POLA1: variants seen among roughly 807,000 people sequenced by gnomAD.
POLA1 encodes the protein DNA polymerase alpha 1, catalytic subunit, also known as DNA polymerase alpha catalytic subunit.
A neutral mutation model predicts 124.0 loss-of-function variants in POLA1; 15 were observed. The observed-to-expected ratio is 0.12, with a 90% CI of 0.08 to 0.19. The LOEUF (loss-of-function observed/expected upper bound fraction) is 0.19. POLA1 is among the 10% of genes least tolerant of loss of function. The probability of loss-of-function intolerance (pLI) is 1.00; values close to 1 mark genes in which losing one functional copy is unlikely to be tolerated. For synonymous variants in POLA1, 408 were observed against 389.4 expected (o/e 1.05, Z -0.56); for missense variants, 886 against 1,103.4 (o/e 0.80, Z 2.79).
intron 36 of POLA1, among the ~76,000 whole-genome samples, chrX:24,974,459 A>G (rs2048341613): frequency 8.9e-6 from 1 of 111,942 alleles, no homozygotes; most frequent in Non-Finnish European, 1.9e-5. Context: ...ACACCATGGA[A>G]TACCATGCAG....
chrX:24,891,696 T>A (rs2047144489), intron 35 of POLA1, among the ~76,000 whole-genome samples: 1 of 112,025 alleles, frequency 8.9e-6, no homozygotes, highest in Non-Finnish European at 1.9e-5. Flanking sequence ...ATTAAACAAC[T>A]GCAACTACAT....
At chrX:24,801,924 G>GGTGTGTGGGT (rs2045714528) in intron 26 of POLA1, among the ~76,000 whole-genome samples, 1 of 74,536 alleles carries the variant, frequency 1.3e-5, no homozygotes, top group Admixed American at 1.7e-4. Context: ...GAGGTGGGTG[G>GGTGTGTGGGT]GTGTGTGTGT....
intron 26 of POLA1, among the ~76,000 whole-genome samples, chrX:24,771,729 AT>A (rs1380821755): frequency 9.0e-6 from 1 of 111,470 alleles, no homozygotes; most frequent in Non-Finnish European, 1.9e-5. Flanking sequence ...TACTGTTGGT[AT>A]TTTTTTTCTT....
rs1338507216 is a variant in POLA1, at chrX:24,826,431, G to A, written c.3566G>A (p.Gly1189Glu). The change falls in exon 32 of 37, where the codon GGA becomes GAA. Residue 1189 changes from glycine (G) to glutamate (E), a missense_variant. This residue lies in a region of POLA1 where 313 missense variants were observed against 359.7 expected (regional missense o/e 0.87). Transcript: ENST00000379068. ...DTVSYVICQD[G>E]SNLTASQRAY... ...TTTTATCATATCTTCTTTTAGGATGGATCAAACCTCACTGCAAGTCAGAGG... is the reference window on the plus strand; with the variant it reads ...TTTTATCATATCTTCTTTTAGGATGAATCAAACCTCACTGCAAGTCAGAGG... 3.3e-6 allele frequency: 4 copies of A among 1,194,390 alleles called. No homozygotes were observed. The South Asian group carries it at 7.4e-5, about 22-fold the overall frequency.
intron 4 of POLA1, among the ~76,000 whole-genome samples, chrX:24,711,475 G>A (rs1929427241): frequency 8.9e-6 from 1 of 112,477 alleles, no homozygotes; most frequent in African/African-American, 3.2e-5. Flanking sequence ...TTCCTTGGAA[G>A]GACATTTAGA....
intron 26 of POLA1, among the ~76,000 whole-genome samples, chrX:24,752,852 C>T (rs1226564421): frequency 2.7e-5 from 3 of 111,231 alleles, no homozygotes; most frequent in African/African-American, 9.8e-5. Context: ...ATTCTTCTAT[C>T]GAGTAGCTAA....
intron 18 of POLA1, among the ~76,000 whole-genome samples, chrX:24,737,257 A>T (rs1931336230): frequency 8.9e-6 from 1 of 112,007 alleles, no homozygotes; most frequent in Admixed American, 9.4e-5. Flanking sequence ...AAGGAAGCAA[A>T]ATGGAATTAT....
chrX:24,836,130 C>T (rs757659303), intron 32 of POLA1, among the ~76,000 whole-genome samples: 1 of 111,886 alleles, frequency 8.9e-6, no homozygotes, highest in Admixed American at 9.5e-5. Context: ...ACACAAATTG[C>T]GTCTTTGTTC....
chrX:24,701,434 C>CTT (rs1331309084), intron 2 of POLA1, among the ~76,000 whole-genome samples: 22 of 93,194 alleles, frequency 2.4e-4, no homozygotes, highest in African/African-American at 6.2e-4. Flanking sequence ...AGGTAGAACT[C>CTT]TTTTTTTTTT....
At chrX:24,841,562 G>A (rs1471077725) in intron 32 of POLA1, 90 bp from the exon 33 acceptor site, 1 of 505,199 alleles carries the variant, frequency 2.0e-6, no homozygotes, top group Admixed American at 4.6e-5. Context: ...GTATGTGCAT[G>A]AATTTAAAAT....
At chrX:24,967,080 T>C (rs1365270652) in intron 36 of POLA1, among the ~76,000 whole-genome samples, 1 of 111,586 alleles carries the variant, frequency 9.0e-6, no homozygotes, top group Non-Finnish European at 1.9e-5. Flanking sequence ...GGTTGACCTT[T>C]TTTGTTTTTG....
chrX:24,934,730 A>G (rs765030206), intron 36 of POLA1, among the ~76,000 whole-genome samples: 1 of 111,227 alleles, frequency 9.0e-6, no homozygotes, highest in African/African-American at 3.3e-5. Context: ...TCTCTCCCCA[A>G]CTTTTTTTTT....
At chrX:24,784,242 G>A (rs1220126963) in intron 26 of POLA1, among the ~76,000 whole-genome samples, 1 of 106,545 alleles carries the variant, frequency 9.4e-6, no homozygotes, top group Non-Finnish European at 1.9e-5. Context: ...TAGTAGAAAC[G>A]GGATTTCACC....
At chrX:24,976,926 G>A (rs780230112) in intron 36 of POLA1, among the ~76,000 whole-genome samples, 5 of 112,231 alleles carry the variant, frequency 4.5e-5, no homozygotes, top group Non-Finnish European at 7.5e-5. Context: ...GGCAGTTAGA[G>A]CATGATTCCG....
chrX:24,723,096 C>T (rs1602281500), intron 10 of POLA1, 59 bp from the exon 11 acceptor site: 1 of 818,867 alleles, frequency 1.2e-6, no homozygotes, highest in Admixed American at 2.2e-5. Flanking sequence ...CTATATTGTT[C>T]CTTTAATTAG....
At chrX:24,929,767 T>C (rs1159051136) in intron 35 of POLA1, among the ~76,000 whole-genome samples, 1 of 112,102 alleles carries the variant, frequency 8.9e-6, no homozygotes, top group East Asian at 2.8e-4. Context: ...CTCAGGAATG[T>C]TTAGTATATG....
intron 20 of POLA1, among the ~76,000 whole-genome samples, chrX:24,741,148 C>T (rs5943988): frequency 0.036 from 1,220 of 33,918 alleles, 8 homozygotes; most frequent in Admixed American, 0.1. Flanking sequence ...TGTGTGTGTG[C>T]GCGCGTGTGT....
At chrX:24,829,405 G>C (rs1213589632) in intron 32 of POLA1, among the ~76,000 whole-genome samples, 1 of 111,227 alleles carries the variant, frequency 9.0e-6, no homozygotes, top group Non-Finnish European at 1.9e-5. Flanking sequence ...TCTCCTGCTT[G>C]TCCTCTTCTC....
At chrX:24,798,108 C>T (rs762636417) in intron 26 of POLA1, among the ~76,000 whole-genome samples, 1 of 111,193 alleles carries the variant, frequency 9.0e-6, no homozygotes, top group African/African-American at 3.3e-5. Flanking sequence ...CAGTGAGTAG[C>T]CAAACCTCAT....
Sources: allele counts gnomAD v4.1 joint callset (sites outside exome capture counted in the v4.1 genomes callset), GRCh38; gene constraint gnomAD v4.1.1; regional missense constraint gnomAD v4.1.1; transcripts MANE v1.5; gene names NCBI Gene and HGNC (gene_info 2026-07-23, HGNC 2026-07-21).